The following ATG16L2 variants were observed in gnomAD, a reference collection of about 807,000 sequenced individuals.
The protein encoded by ATG16L2 is protein Atg16l2.
ATG16L2 carries 77 observed loss-of-function variants against 84.7 expected under a neutral mutation model. The observed-to-expected ratio is 0.91, with a 90% CI of 0.76 to 1.10. ATG16L2 has a LOEUF of 1.10. Ranked by LOEUF, ATG16L2 falls within the 50% of genes least tolerant of loss-of-function variation. The pLI is 0.00. For synonymous variants in ATG16L2, 361 were observed against 342.8 expected, an observed-to-expected ratio of 1.05 and a Z score of -0.59; for missense variants, 782 against 817.6, an observed-to-expected ratio of 0.96 and a Z score of 0.53.
Position 72,821,749 on chromosome 11 carries a change from G to T in ATG16L2, c.392+8G>T. On this transcript the variant is annotated splice_region_variant and intron_variant, in intron 4 of 17. Transcript: ENST00000321297. The stretch of plus-strand genomic sequence containing the variant: ...GCAGCAGAGGCAAAGCAGGTGAGGC[G>T]CGGGCGGGGGCGGGAGGGACCGCGC... 6.5e-7 allele frequency: 1 copy of T among 1,534,722 alleles called. No individual in the cohort carries two copies. The highest frequency in any genetic ancestry group is 8.7e-7 in the Non-Finnish European group (1 of 1,145,678).
At chr11:72,834,278 G>A (rs556971473), downstream of ATG16L2, among the ~76,000 whole-genome samples, 4 of 152,348 alleles carry the variant, frequency 2.6e-5, no homozygotes, top group Admixed American at 6.5e-5. Context: ...GCCACTGGGA[G>A]AGGGCTGGGC....
intron 5 of ATG16L2, chr11:72,838,069 A>G (rs565185548): frequency 2.0e-5 from 3 of 152,330 alleles, no homozygotes; most frequent in African/African-American, 4.8e-5. Context: ...CCTCCTTTCT[A>G]TTAGTCTATG....
chr11:72,841,773 T>G (rs771809767), intron 5 of ATG16L2, among the ~76,000 whole-genome samples: 1 of 152,208 alleles, frequency 6.6e-6, no homozygotes, highest in Non-Finnish European at 1.5e-5. Flanking sequence ...GCACTTCACT[T>G]TTTCCTCTTA....
intron 5 of ATG16L2, chr11:72,840,821 T>C: frequency 7.8e-7 from 1 of 1,285,326 alleles, no homozygotes; most frequent in Non-Finnish European, 1.1e-6. Flanking sequence ...ATTAATTCCT[T>C]ACTTTCAATT....
chr11:72,825,214 C>T lies in ATG16L2; in HGVS notation c.997-88C>T, dbSNP rs1317299816. On this transcript the variant is annotated intron_variant, in intron 9 of 17. Coordinates refer to ENST00000321297, the MANE Select transcript of ATG16L2 (RefSeq NM_033388.2). ...ATACCACGTCTGCAGCAGGCTGTGT[C>T]TGCACAGGCACCGGTAAGAGGGCCC... The T allele has an allele frequency of 4.0e-6, 4 of 1,009,508 alleles. No individual in the cohort carries two copies. The East Asian group carries it at 9.7e-5, about 25-fold the overall frequency. 62.5% of individuals were successfully genotyped at this position (1,009,508 alleles called of 1,614,324 possible). A position where few individuals can be genotyped will look rare whatever the true frequency, so the allele number is the denominator to read the frequency against.
chr11:72,816,841 G>A lies in ATG16L2; in HGVS notation c.218+14G>A, dbSNP rs766674214. 6.2e-7 allele frequency: 1 copy of A among 1,609,908 alleles called. No homozygotes were observed. Among genetic ancestry groups the A allele is most frequent in the Non-Finnish European group, 8.5e-7 (1 of 1,176,280 alleles). On this transcript the variant is annotated intron_variant, in intron 2 of 17. Transcript: ENST00000321297. ...CCAGGGCCCCTGGTAAGTGTATGTG[G>A]GTCCGTGGTCACAAAGGGCTGCCTG... is the stretch of plus-strand genomic sequence containing the variant.
At chr11:72,828,265 G>T in intron 14 of ATG16L2, 94 bp from the exon 15 acceptor site, 1 of 1,457,098 alleles carries the variant, frequency 6.9e-7, no homozygotes, top group Non-Finnish European at 9.4e-7. Flanking sequence ...CTCCGGACTT[G>T]GTTAGCTAGG....
Position 72,822,380 on chromosome 11 carries a change from G to T in ATG16L2, c.644+85G>T, listed in dbSNP as rs555303244. The T allele has an allele frequency of 2.5e-6, 4 of 1,583,292 alleles. No individual in the cohort carries two copies. In the African/African-American group the frequency reaches 4.1e-5, roughly 16 times the overall value. On this transcript the variant is annotated intron_variant, in intron 5 of 17. Coordinates refer to ENST00000321297, the MANE Select transcript of ATG16L2 (RefSeq NM_033388.2). This position sits in a 1 kb window ranked among gnomAD's most constrained non-coding sequence, Gnocchi z 4.2. ...GGCCTCGCCGGTGTCTGGAAGGGAG[G>T]GGGGCAGCAGCCGCCCCCTGGAGGA...
chr11:72,843,006 G>T, exon 6 of ATG16L2: 1 of 909,178 alleles, frequency 1.1e-6, no homozygotes, highest in Non-Finnish European at 1.7e-6. Context: ...GTTCTACTGT[G>T]CAGGACAAAC....
chr11:72,823,282 C>T, intron 7 of ATG16L2: 1 of 349,534 alleles, frequency 2.9e-6, no homozygotes, highest in South Asian at 2.8e-5. Flanking sequence ...CCAGTCATGC[C>T]AGGCATGTGT....
intron 9 of ATG16L2, among the ~76,000 whole-genome samples, 190 bp downstream of exon 9, chr11:72,825,032 G>A (rs775329171): frequency 5.3e-5 from 8 of 152,182 alleles, no homozygotes; most frequent in Non-Finnish European, 1.0e-4. Context: ...GGCATAAGCC[G>A]GGGAGGGAGA....
chr11:72,828,318 C>A (rs1161713314), intron 14 of ATG16L2, 41 bp from the exon 15 acceptor site: 2 of 1,611,300 alleles, frequency 1.2e-6, no homozygotes, highest in African/African-American at 2.7e-5. Flanking sequence ...AGTGGCCTGG[C>A]TAGGCTGTTC....
At chr11:72,827,764 C>T (rs1375210819) in intron 14 of ATG16L2, among the ~76,000 whole-genome samples, 3 of 152,062 alleles carry the variant, frequency 2.0e-5, no homozygotes, top group African/African-American at 7.2e-5. Context: ...CATGGCGAAA[C>T]CCTGTCTCTA....
rs1860085441 is a variant in ATG16L2 at position 72,822,696 on chromosome 11, G to A, written c.711-152G>A. ...ACGAGACACCTGCAGAGGACCGTGT[G>A]GTCGTAGGAGCCTGCATGCGTGACC... is the stretch of plus-strand genomic sequence containing the variant. On this transcript the variant is annotated intron_variant, in intron 6 of 17. Transcript: ENST00000321297. This position sits in a 1 kb window ranked among gnomAD's most constrained non-coding sequence, Gnocchi z 4.2. 1 of 1,122,210 alleles carries A rather than the reference G, an allele frequency of 8.9e-7. No individual in the cohort carries two copies. The highest frequency in any genetic ancestry group is 1.3e-6 in the Non-Finnish European group (1 of 786,450). The allele number at this position is 1,122,210 out of a possible 1,614,324, so 69.5% of individuals were successfully genotyped here.
Position 72,817,778 on chromosome 11 carries a change from G to C in ATG16L2, c.241G>C (p.Asp81His), listed in dbSNP as rs765422473. The C allele has an allele frequency of 1.9e-6, 3 of 1,613,616 alleles. No individual in the cohort carries two copies. The highest frequency in any genetic ancestry group is 2.2e-5 in the South Asian group (2 of 91,064). The change falls in exon 3 of 18, where the codon GAC becomes CAC. Residue 81 changes from aspartate (D) to histidine (H), a missense_variant. Asp to His is a moderately conservative substitution (Grantham distance 81). Coordinates refer to ENST00000321297, the MANE Select transcript of ATG16L2 (RefSeq NM_033388.2). ...GPWEESELDS[D>H]QVPSLVALRV... Reference sequence around the variant, plus strand: ...CAGGGAGGAGTCAGAGCTTGACTCAGACCAAGTCCCATCACTGGTCGCACT... The same window carrying C: ...CAGGGAGGAGTCAGAGCTTGACTCACACCAAGTCCCATCACTGGTCGCACT...
At chr11:72,821,583 CCGACTCCCTTAG>C in intron 3 of ATG16L2, 73 bp from the exon 4 acceptor site, 1 of 1,495,204 alleles carries the variant, frequency 6.7e-7, no homozygotes, top group Non-Finnish European at 8.9e-7. Flanking sequence ...AGGTGAGCAG[CCGACTCCCTTAG>C]CGCCTTCGGC....
At chr11:72,841,022 G>T in intron 5 of ATG16L2, 2 of 1,247,702 alleles carry the variant, frequency 1.6e-6, no homozygotes, top group Non-Finnish European at 2.3e-6. Context: ...GCTGATGCAA[G>T]GCTGGCATGG....
rs889293410 is a variant in ATG16L2, at chr11:72,816,716, T to G, written c.119-12T>G. The G allele has an allele frequency of 2.5e-6, 4 of 1,610,906 alleles. No homozygotes were observed. The highest frequency in any genetic ancestry group is 1.3e-5 in the African/African-American group (1 of 74,884). ...TGTCTCTGCCCCAGGCTCACTCTCTTGCACTCTCCAGATAACCATCTCTTA... is the reference window on the plus strand; with the variant it reads ...TGTCTCTGCCCCAGGCTCACTCTCTGGCACTCTCCAGATAACCATCTCTTA... On this transcript the variant is annotated splice_polypyrimidine_tract_variant and intron_variant, in intron 1 of 17. Coordinates refer to ENST00000321297, the MANE Select transcript of ATG16L2 (RefSeq NM_033388.2).
At chr11:72,825,528 G>A (rs188182920) in intron 10 of ATG16L2, 121 bp downstream of exon 10, 82 of 762,866 alleles carry the variant, frequency 1.1e-4, no homozygotes, top group Non-Finnish European at 1.5e-4. Flanking sequence ...ATATTCTGTG[G>A]GCAGTGACTA....
Sources: gnomAD v4.1 joint callset for allele counts (sites outside exome capture counted in the v4.1 genomes callset) on GRCh38, gnomAD v4.1.1 for gene constraint, Gnocchi (gnomAD v3.1) non-coding constraint, MANE v1.5 for transcripts, NCBI Gene and HGNC (gene_info 2026-07-23, HGNC 2026-07-21) for gene names.